Variants in PTPRJ observed in about 807,000 individuals in gnomAD.
PTPRJ encodes the protein protein tyrosine phosphatase receptor type J.
A neutral mutation model predicts 141.3 loss-of-function variants in PTPRJ; 129 were observed. The observed-to-expected ratio is 0.91, with a 90% CI of 0.79 to 1.06. The LOEUF (loss-of-function observed/expected upper bound fraction) is 1.06, where lower values mean the gene tolerates loss of function less well. Ranked by LOEUF, PTPRJ falls within the 50% of genes least tolerant of loss-of-function variation. The probability of loss-of-function intolerance (pLI) is 0.00; values close to 1 mark genes in which losing one functional copy is unlikely to be tolerated. For missense variants in PTPRJ, 1,601 were observed against 1,679.7 expected (o/e 0.95, Z 0.82); for synonymous variants, 610 against 640.5 (o/e 0.95, Z 0.72).
intron 9 of PTPRJ, among the ~76,000 whole-genome samples, chr11:48,136,550 T>C (rs1225350068): frequency 6.6e-6 from 1 of 152,226 alleles, no homozygotes; most frequent in Non-Finnish European, 1.5e-5. Flanking sequence ...TTCTAGTCAT[T>C]CCTTGAGAAT....
At chr11:48,053,245 T>TATATAATATATAATATATTTA (rs1565278375) in intron 1 of PTPRJ, among the ~76,000 whole-genome samples, 1 of 82,518 alleles carries the variant, frequency 1.2e-5, no homozygotes, top group African/African-American at 5.8e-5. Flanking sequence ...ATAATATATT[T>TATATAATATATAATATATTTA]ATATAATATA....
chr11:48,119,975 T>C (rs186543824), intron 3 of PTPRJ, among the ~76,000 whole-genome samples: 1 of 152,318 alleles, frequency 6.6e-6, no homozygotes, highest in East Asian at 1.9e-4. Flanking sequence ...TTTACGATCT[T>C]GTACATCTAA....
Position 47,983,488 on chromosome 11 carries a change from C to T in PTPRJ, c.96+2480C>T, listed in dbSNP as rs556923876. Among the ~76,000 whole-genome samples the T allele has an allele frequency of 3.3e-5, 5 of 152,192 alleles. No individual in the cohort carries two copies. The East Asian group carries it at 7.7e-4, about 24-fold the overall frequency. Reference sequence around the variant, plus strand: ...AGCTCTGTTTGGACATTAATAAGGGCGGGTGTGGAAGCTGGAAAGCTGAGA... The same window carrying T: ...AGCTCTGTTTGGACATTAATAAGGGTGGGTGTGGAAGCTGGAAAGCTGAGA... On this transcript the variant is annotated intron_variant, in intron 1 of 24. Transcript: ENST00000418331.
chr11:48,032,936 G>A (rs996861511), intron 1 of PTPRJ, among the ~76,000 whole-genome samples: 1 of 152,136 alleles, frequency 6.6e-6, no homozygotes, highest in Non-Finnish European at 1.5e-5. Flanking sequence ...CAAAAGTGTA[G>A]GCTGGGTGCA....
chr11:48,068,517 G>C (rs1266468635), intron 1 of PTPRJ, among the ~76,000 whole-genome samples: 1 of 152,206 alleles, frequency 6.6e-6, no homozygotes, highest in Non-Finnish European at 1.5e-5. Context: ...CACCGTGATT[G>C]TGAGGCCTCG....
intron 3 of PTPRJ, among the ~76,000 whole-genome samples, chr11:48,113,519 T>C (rs1273514818): frequency 6.6e-6 from 1 of 152,230 alleles, no homozygotes; most frequent in Non-Finnish European, 1.5e-5. Flanking sequence ...GTAGTGGCAA[T>C]GGAGAATTTG....
At position 47,980,871 on chromosome 11, in the gene PTPRJ, C is replaced by T. The variant is rs1035264426; in HGVS notation, c.-42C>T. On this transcript the variant is annotated 5_prime_UTR_variant, in exon 1 of 25. Coordinates refer to ENST00000418331, the MANE Select transcript of PTPRJ (RefSeq NM_002843.4). ...GCCCGGGCTCGGGCGCACGGCGGGG[C>T]CCGATTCGCGCGTCCGGGGCACGTT... is the stretch of plus-strand genomic sequence containing the variant. The T allele has an allele frequency of 2.6e-5, 29 of 1,100,182 alleles. No homozygotes were observed. Among genetic ancestry groups the T allele is most frequent in the African/African-American group, 1.2e-4 (7 of 59,616 alleles). 68.2% of individuals were successfully genotyped at this position (1,100,182 alleles called of 1,614,324 possible).
intron 24 of PTPRJ, among the ~76,000 whole-genome samples, chr11:48,166,201 G>C (rs1857912957): frequency 6.6e-6 from 1 of 151,320 alleles, no homozygotes; most frequent in African/African-American, 2.4e-5. Context: ...CCCCAATCCT[G>C]CTTCCTGGAG....
chr11:48,103,329 C>T (rs1240364288), intron 1 of PTPRJ, among the ~76,000 whole-genome samples: 1 of 152,056 alleles, frequency 6.6e-6, no homozygotes, highest in Non-Finnish European at 1.5e-5. Context: ...TATAGTGGGA[C>T]ACATGTGTAG....
At chr11:48,150,066 A>T (rs747975673) in intron 17 of PTPRJ, 30 bp from the exon 18 acceptor site, 11 of 1,587,884 alleles carry the variant, frequency 6.9e-6, no homozygotes, top group African/African-American at 1.3e-5. Context: ...CACTGAATGT[A>T]AAAAATCCTG....
chr11:48,077,975 AG>A (rs992656169), intron 1 of PTPRJ, among the ~76,000 whole-genome samples: 17 of 152,304 alleles, frequency 1.1e-4, no homozygotes, highest in African/African-American at 3.4e-4. Flanking sequence ...ATTGAGACTA[AG>A]TTGGAGCTGG....
chr11:48,137,708 G>C (rs1857137899), intron 10 of PTPRJ, among the ~76,000 whole-genome samples: 1 of 152,188 alleles, frequency 6.6e-6, no homozygotes, highest in Non-Finnish European at 1.5e-5. Flanking sequence ...CTGGAGGCTG[G>C]AGGAAGAGCA....
At chr11:47,995,728 C>G (rs1253653782) in intron 1 of PTPRJ, among the ~76,000 whole-genome samples, 1 of 152,178 alleles carries the variant, frequency 6.6e-6, no homozygotes, top group Non-Finnish European at 1.5e-5. Context: ...GACATGACTT[C>G]AGGATGTCCC....
rs754309585 is a variant in PTPRJ at position 48,167,407 on chromosome 11, C to G, written c.*45C>G. On this transcript the variant is annotated 3_prime_UTR_variant, in exon 25 of 25. Transcript: ENST00000418331. Reference sequence around the variant, plus strand: ...CTGGAGTGAACCAGACCGTCGCACCCACAGCGAAGGCACATGCCCCGATGT... The same window carrying G: ...CTGGAGTGAACCAGACCGTCGCACCGACAGCGAAGGCACATGCCCCGATGT... The G allele has an allele frequency of 1.9e-6, 3 of 1,581,644 alleles. No individual in the cohort carries two copies. The highest frequency in any genetic ancestry group is 1.7e-5 in the Admixed American group (1 of 57,498).
chr11:48,015,259 TG>T (rs1555028087), intron 1 of PTPRJ, among the ~76,000 whole-genome samples: 1 of 152,062 alleles, frequency 6.6e-6, no homozygotes, highest in Non-Finnish European at 1.5e-5. Context: ...GGTATTTCTC[TG>T]GAACAACTGG....
At chr11:48,000,731 C>A (rs1854474282) in intron 1 of PTPRJ, among the ~76,000 whole-genome samples, 1 of 152,056 alleles carries the variant, frequency 6.6e-6, no homozygotes, top group South Asian at 2.1e-4. Flanking sequence ...ATCACTCAGG[C>A]CCCTCTATCC....
intron 1 of PTPRJ, among the ~76,000 whole-genome samples, chr11:48,048,992 A>G (rs1336737817): frequency 6.6e-6 from 1 of 152,084 alleles, no homozygotes; most frequent in Non-Finnish European, 1.5e-5. Context: ...GCACCCAGAG[A>G]GCACAGTTGC....
chr11:48,095,829 C>T (rs1037819883), intron 1 of PTPRJ, among the ~76,000 whole-genome samples: 2 of 152,204 alleles, frequency 1.3e-5, no homozygotes, highest in African/African-American at 4.8e-5. Context: ...GATCCACCCA[C>T]CTCGGCCTCT....
At chr11:48,137,637 G>A (rs1193296154) in intron 10 of PTPRJ, among the ~76,000 whole-genome samples, 1 of 152,108 alleles carries the variant, frequency 6.6e-6, no homozygotes. Flanking sequence ...GGATATCAGG[G>A]CATGAGAACA....
Sources: gnomAD v4.1 joint callset for allele counts (sites outside exome capture counted in the v4.1 genomes callset) on GRCh38, gnomAD v4.1.1 for gene constraint, MANE v1.5 for transcripts, NCBI Gene and HGNC (gene_info 2026-07-23, HGNC 2026-07-21) for gene names.